TRPV1: variants seen among roughly 807,000 people sequenced by gnomAD.
TRPV1 encodes the protein OTRPC1.
TRPV1 carries 82 observed loss-of-function variants against 82.3 expected under a neutral mutation model. The ratio of observed to expected loss-of-function variants is 1.00; its 90% confidence interval spans 0.83 to 1.20. The LOEUF is 1.20. Ranked by LOEUF, TRPV1 falls within the 50% of genes most tolerant of loss-of-function variation. The pLI is 0.00. For missense variants in TRPV1, 1,067 were observed against 1,096.8 expected (o/e 0.97, Z 0.38); for synonymous variants, 515 against 467.7 (o/e 1.10, Z -1.30).
intron 2 of TRPV1, chr17:3,592,641 C>G (rs56365804): frequency 1.9e-5 from 9 of 464,744 alleles, no homozygotes; most frequent in Non-Finnish European, 3.5e-5. Flanking sequence ...GACAGGCCCC[C>G]GGCTCAGAGC....
chr17:3,585,933 G>A lies in TRPV1; in HGVS notation c.1225-7C>T, dbSNP rs199683231. 2.9e-5 allele frequency: 46 copies of A among 1,613,562 alleles called. No individual in the cohort carries two copies. Among genetic ancestry groups the A allele is most frequent in the Non-Finnish European group, 3.9e-5 (46 of 1,179,698 alleles). On this transcript the variant is annotated splice_region_variant and splice_polypyrimidine_tract_variant and intron_variant, in intron 8 of 16. Coordinates refer to ENST00000572705, the MANE Select transcript of TRPV1 (RefSeq NM_080704.4). ...AGAGCATGTCGTGGCGATTCTAGGG[G>A]GTGGGGAGAGAAGTGAGGTTCCCTC...
Position 3,591,043 on chromosome 17 carries a change from G to T in TRPV1, c.525C>A (p.Pro175=), listed in dbSNP as rs1256307454. The T allele has an allele frequency of 6.2e-7, 1 of 1,613,030 alleles. No individual in the cohort carries two copies. The highest frequency in any genetic ancestry group is 1.7e-5 in the Admixed American group (1 of 59,824). ...TTTGCCGCGCGATCTCCAGGAGCAG[G>T]GGGATGGTGGTGTTCTGTCCGTCGT... ...NLHDGQNTTI[P]LLLEIARQTD... The change falls in exon 5 of 17, where the codon CCC becomes CCA. Residue 175 remains proline (P), a synonymous_variant. Transcript: ENST00000572705.
At chr17:3,588,869 A>G in intron 7 of TRPV1, 2 of 1,525,454 alleles carry the variant, frequency 1.3e-6, no homozygotes, top group Non-Finnish European at 8.8e-7. Context: ...TGCCTCAGAT[A>G]CTACCTGCAC....
intron 16 of TRPV1, among the ~76,000 whole-genome samples, chr17:3,570,123 C>T (rs113531087): frequency 2.9e-4 from 44 of 152,268 alleles, no homozygotes; most frequent in African/African-American, 8.4e-4. Context: ...GGCATGGTGG[C>T]TCACACCTGT....
intron 16 of TRPV1, among the ~76,000 whole-genome samples, chr17:3,568,309 C>G (rs1440207592): frequency 1.1e-4 from 16 of 143,964 alleles, no homozygotes; most frequent in South Asian, 2.3e-4. Flanking sequence ...GTGACAGAGC[C>G]AGACTCCGTC....
intron 10 of TRPV1, among the ~76,000 whole-genome samples, 166 bp downstream of exon 10, chr17:3,583,172 G>A (rs952553492): frequency 3.0e-4 from 45 of 152,188 alleles, no homozygotes; most frequent in South Asian, 2.1e-4. Context: ...CTCCCGCCCC[G>A]CGGTGACTGA....
At chr17:3,594,564 G>A (rs988251154) in intron 2 of TRPV1, among the ~76,000 whole-genome samples, 4 of 152,166 alleles carry the variant, frequency 2.6e-5, no homozygotes, top group African/African-American at 9.7e-5. Flanking sequence ...CCATCTCCCT[G>A]CCTGCCTGTT....
intron 2 of TRPV1, among the ~76,000 whole-genome samples, chr17:3,593,165 T>G (rs1597547379): frequency 1.3e-5 from 2 of 150,752 alleles, no homozygotes; most frequent in Non-Finnish European, 2.9e-5. Context: ...TCGCCCAGAC[T>G]AGAGTGCAAT....
At chr17:3,583,583 C>T (rs969157419) in intron 9 of TRPV1, among the ~76,000 whole-genome samples, 153 bp from the exon 10 acceptor site, 6 of 152,226 alleles carry the variant, frequency 3.9e-5, no homozygotes, top group Non-Finnish European at 7.3e-5. Flanking sequence ...GGGGAGCGCC[C>T]GCAAGGAGGC....
chr17:3,569,614 G>A (rs1372172813), intron 16 of TRPV1, among the ~76,000 whole-genome samples: 3 of 152,182 alleles, frequency 2.0e-5, no homozygotes, highest in Non-Finnish European at 4.4e-5. Context: ...CTGGGCAGCG[G>A]AAGCAGCTAG....
intron 2 of TRPV1, among the ~76,000 whole-genome samples, chr17:3,598,109 G>A (rs1260482541): frequency 6.6e-6 from 1 of 152,250 alleles, no homozygotes; most frequent in African/African-American, 2.4e-5. Context: ...CCCAGACCCT[G>A]GCTGAGAAAA....
rs926202792 is a variant in TRPV1, at chr17:3,588,385, G to A, written c.1045-18C>T. The A allele has an allele frequency of 3.2e-6, 5 of 1,548,954 alleles. No individual in the cohort carries two copies. Among genetic ancestry groups the A allele is most frequent in the Non-Finnish European group, 4.4e-6 (5 of 1,145,402 alleles). ...GCCAAGACCTGCCCCCGGGGAGCAA[G>A]AGCCCGTCAGAGGCCAGCCCCAGGC... On this transcript the variant is annotated intron_variant, in intron 7 of 16. Coordinates refer to ENST00000572705, the MANE Select transcript of TRPV1 (RefSeq NM_080704.4).
chr17:3,590,502 G>T, intron 5 of TRPV1, 110 bp from the exon 6 acceptor site: 1 of 1,477,478 alleles, frequency 6.8e-7, no homozygotes. Flanking sequence ...GAGGAACTGG[G>T]CAGAAAGTGC....
intron 16 of TRPV1, among the ~76,000 whole-genome samples, chr17:3,569,748 G>A (rs2074821747): frequency 6.6e-6 from 1 of 152,206 alleles, no homozygotes; most frequent in Non-Finnish European, 1.5e-5. Context: ...CTAGCTCATG[G>A]TGTGACTGCA....
At chr17:3,599,717 C>T (rs2075248176) in intron 2 of TRPV1, among the ~76,000 whole-genome samples, 1 of 151,964 alleles carries the variant, frequency 6.6e-6, no homozygotes, top group South Asian at 2.1e-4. Flanking sequence ...CAACCTCCAC[C>T]TCCCTGGTTC....
At chr17:3,580,918 C>G (rs193116362) in intron 10 of TRPV1, among the ~76,000 whole-genome samples, 8 of 151,780 alleles carry the variant, frequency 5.3e-5, no homozygotes, top group Admixed American at 5.3e-4. Context: ...ACTCATGAGG[C>G]TGAGGCAAGA....
intron 11 of TRPV1, among the ~76,000 whole-genome samples, chr17:3,579,840 C>A (rs900854650): frequency 1.3e-5 from 2 of 152,112 alleles, no homozygotes; most frequent in African/African-American, 4.8e-5. Context: ...GGTTCTCAAC[C>A]GGGAGTGATT....
intron 7 of TRPV1, among the ~76,000 whole-genome samples, chr17:3,588,708 A>G (rs161390): frequency 1 from 151,694 of 151,930 alleles, 75,729 homozygotes; most frequent in Middle Eastern, 1. Flanking sequence ...CGGCTACTTG[A>G]GAGGCCGAGA....
intron 14 of TRPV1, among the ~76,000 whole-genome samples, chr17:3,573,306 C>T (rs2074883702): frequency 6.6e-6 from 1 of 152,154 alleles, no homozygotes; most frequent in Non-Finnish European, 1.5e-5. Context: ...TCCAGGACCA[C>T]CCAGACCACA....
Sources: allele counts gnomAD v4.1 joint callset (sites outside exome capture counted in the v4.1 genomes callset), GRCh38; gene constraint gnomAD v4.1.1; transcripts MANE v1.5; gene names NCBI Gene and HGNC (gene_info 2026-07-23, HGNC 2026-07-21).